AFAP1: variants seen among roughly 807,000 people sequenced by gnomAD.
The protein encoded by AFAP1 is actin filament associated protein 1, also known as actin filament-associated protein 1.
In AFAP1, 75 loss-of-function variants were observed where a neutral mutation model predicts 93.9. That is an observed-to-expected ratio of 0.80 (90% CI 0.66 to 0.97). AFAP1 has a LOEUF of 0.97. Ranked by LOEUF, AFAP1 falls within the 50% of genes least tolerant of loss-of-function variation. AFAP1 has a pLI of 0.00. For missense variants in AFAP1, 1,201 were observed against 1,050.8 expected (o/e 1.14, Z -1.98); for synonymous variants, 517 against 430.7 (o/e 1.20, Z -2.48).
intron 1 of AFAP1, among the ~76,000 whole-genome samples, chr4:7,922,726 G>A (rs1001405827): frequency 6.6e-6 from 1 of 152,210 alleles, no homozygotes; most frequent in Admixed American, 6.5e-5. Context: ...GCTCATGCCT[G>A]TAATCCCAGC....
At chr4:7,880,891 C>T (rs1455274154) in intron 1 of AFAP1, among the ~76,000 whole-genome samples, 6 of 152,148 alleles carry the variant, frequency 3.9e-5, no homozygotes, top group Non-Finnish European at 5.9e-5. Context: ...TTGCCACGGG[C>T]GACAGGCTCT....
At chr4:7,790,217 A>G (rs1717740878) in intron 11 of AFAP1, among the ~76,000 whole-genome samples, 1 of 152,172 alleles carries the variant, frequency 6.6e-6, no homozygotes, top group East Asian at 1.9e-4. Flanking sequence ...ATCTCTCTTA[A>G]GTGTTACAGG....
intron 7 of AFAP1, among the ~76,000 whole-genome samples, chr4:7,817,174 C>A (rs1720551463): frequency 6.6e-6 from 1 of 152,100 alleles, no homozygotes; most frequent in African/African-American, 2.4e-5. Flanking sequence ...GAATCGAGAT[C>A]TTAAAAAAGA....
At chr4:7,918,928 T>A (rs373212227) in intron 1 of AFAP1, among the ~76,000 whole-genome samples, 125 of 101,832 alleles carry the variant, frequency 1.2e-3, no homozygotes, top group African/African-American at 2.7e-3. Flanking sequence ...GGCTGCCGGA[T>A]GAGACACTCG....
chr4:7,822,836 G>A (rs1330015741), intron 6 of AFAP1, among the ~76,000 whole-genome samples: 2 of 148,104 alleles, frequency 1.4e-5, no homozygotes, highest in Non-Finnish European at 1.5e-5. Flanking sequence ...CTTGTGATCC[G>A]CCCGCATCGG....
chr4:7,877,180 C>A (rs1717560942), intron 1 of AFAP1, among the ~76,000 whole-genome samples: 1 of 151,704 alleles, frequency 6.6e-6, no homozygotes, highest in African/African-American at 2.4e-5. Context: ...TGTTTATCTC[C>A]TAACACCTGA....
At position 7,836,427 on chromosome 4, in the gene AFAP1, G is replaced by C. The variant is rs115768268; in HGVS notation, c.726+2097C>G. Among the ~76,000 whole-genome samples the C allele has an allele frequency of 4.5e-3, 685 of 152,288 alleles. 4 individuals carry two copies. The highest frequency in any genetic ancestry group is 0.016 in the African/African-American group (645 of 41,550). ...GAAGAACAGGGGTGGTGGCAAAAGGGCAATGACTGCTAATGGGTATGGCGT... is the reference window on the plus strand; with the variant it reads ...GAAGAACAGGGGTGGTGGCAAAAGGCCAATGACTGCTAATGGGTATGGCGT... On this transcript the variant is annotated intron_variant, in intron 6 of 17. Transcript: ENST00000420658.
intron 4 of AFAP1, among the ~76,000 whole-genome samples, chr4:7,854,470 C>T (rs1347900542): frequency 6.6e-6 from 1 of 152,214 alleles, no homozygotes; most frequent in African/African-American, 2.4e-5. Flanking sequence ...TCTCCCATAA[C>T]AACCTCCTTC....
chr4:7,817,784 T>C (rs1440257132), intron 7 of AFAP1, among the ~76,000 whole-genome samples: 2 of 150,402 alleles, frequency 1.3e-5, no homozygotes, highest in African/African-American at 2.4e-5. Context: ...AAAAGCAGTA[T>C]AAGAAACTTT....
At chr4:7,786,453 G>C (rs551591345) in intron 11 of AFAP1, 142 bp from the exon 12 acceptor site, 3 of 706,494 alleles carry the variant, frequency 4.2e-6, no homozygotes, top group East Asian at 2.5e-5. Flanking sequence ...ACAGAATCTC[G>C]GCAGAAATGA....
intron 6 of AFAP1, among the ~76,000 whole-genome samples, chr4:7,822,089 ATT>A (rs5855981): frequency 0.2 from 31,092 of 152,052 alleles, 4,155 homozygotes; most frequent in Non-Finnish European, 0.3. Flanking sequence ...TAAGGTGTTT[ATT>A]AAGTCTCCAA....
rs547658811 is a variant in AFAP1, at chr4:7,902,413, C to T, written c.-2-30333G>A. 8.5e-5 allele frequency among the ~76,000 whole-genome samples: 13 copies of T among 152,320 alleles called. No homozygotes were observed. The East Asian group carries it at 1.7e-3, about 20-fold the overall frequency. The stretch of plus-strand genomic sequence containing the variant: ...GGTAATTATCAGCCCACAATGGCTG[C>T]TAATCAGATTTGAGTGGTCCCTTAG... On this transcript the variant is annotated intron_variant, in intron 1 of 17. Coordinates refer to ENST00000420658, the MANE Select transcript of AFAP1 (RefSeq NM_001134647.2).
chr4:7,817,814 C>T (rs371301361), intron 7 of AFAP1, among the ~76,000 whole-genome samples: 1 of 148,544 alleles, frequency 6.7e-6, no homozygotes, highest in East Asian at 2.0e-4. Flanking sequence ...CTTATCCAAA[C>T]CATTAAAAAA....
chr4:7,841,432 C>T (rs939251543), intron 5 of AFAP1, among the ~76,000 whole-genome samples: 15 of 152,212 alleles, frequency 9.9e-5, no homozygotes, highest in Admixed American at 2.6e-4. Flanking sequence ...AGTCCTGAAG[C>T]GGGAATCTAG....
chr4:7,884,584 AG>A (rs1718037739), intron 1 of AFAP1, among the ~76,000 whole-genome samples: 1 of 152,230 alleles, frequency 6.6e-6, no homozygotes, highest in Admixed American at 6.5e-5. Flanking sequence ...CAGAAATATA[AG>A]AAAAATTGTC....
intron 1 of AFAP1, among the ~76,000 whole-genome samples, chr4:7,897,937 C>T (rs569821411): frequency 6.6e-6 from 1 of 152,294 alleles, no homozygotes; most frequent in East Asian, 1.9e-4. Flanking sequence ...TCTTCCCCAT[C>T]CCAATAACAG....
At chr4:7,864,332 C>A (rs1716166900) in intron 3 of AFAP1, among the ~76,000 whole-genome samples, 1 of 152,222 alleles carries the variant, frequency 6.6e-6, no homozygotes, top group South Asian at 2.1e-4. Context: ...CTGCCTGGCA[C>A]AGCTGCCTAC....
At chr4:7,768,145 A>C (rs1050512860) in intron 17 of AFAP1, among the ~76,000 whole-genome samples, 1 of 152,236 alleles carries the variant, frequency 6.6e-6, no homozygotes, top group African/African-American at 2.4e-5. Flanking sequence ...CCCGTGTTCC[A>C]GCCCCTCGGG....
At chr4:7,938,702 T>C (rs1424905753) in intron 1 of AFAP1, among the ~76,000 whole-genome samples, 2 of 152,118 alleles carry the variant, frequency 1.3e-5, no homozygotes, top group African/African-American at 2.4e-5. Context: ...CTCCAGGCGC[T>C]GAGAGCTACA....
Sources: allele counts gnomAD v4.1 joint callset (sites outside exome capture counted in the v4.1 genomes callset), GRCh38; gene constraint gnomAD v4.1.1; transcripts MANE v1.5; gene names NCBI Gene and HGNC (gene_info 2026-07-23, HGNC 2026-07-21).